Variants in BMPR2 observed in about 807,000 individuals in gnomAD.
BMPR2 encodes bone morphogenetic protein receptor type 2.
A neutral mutation model predicts 100.8 loss-of-function variants in BMPR2; 29 were observed. That is an observed-to-expected ratio of 0.29 (90% CI 0.21 to 0.39). The LOEUF is 0.39. Among genes scored for constraint, BMPR2 ranks in the 10% least tolerant of loss-of-function variants. The probability of loss-of-function intolerance (pLI) is 1.00; values close to 1 mark genes in which losing one functional copy is unlikely to be tolerated. For synonymous variants in BMPR2, 382 were observed against 442.3 expected (o/e 0.86, Z 1.71); for missense variants, 1,011 against 1,274.5 (o/e 0.79, Z 3.15).
intron 12 of BMPR2, among the ~76,000 whole-genome samples, chr2:202,557,101 C>CAGGTGGATCACCTG (rs1688589399): frequency 6.6e-6 from 1 of 151,202 alleles, no homozygotes; most frequent in African/African-American, 2.4e-5. Flanking sequence ...GAGGCCAGGG[C>CAGGTGGATCACCTG]AGGTGGATCA....
intron 1 of BMPR2, among the ~76,000 whole-genome samples, chr2:202,384,582 T>TCTTTCTTTTCTTTCTTTTCTTTCTTTC (rs1456422852): frequency 1.4e-5 from 2 of 148,016 alleles, no homozygotes; most frequent in East Asian, 3.9e-4. Context: ...TTCTTTCTTT[T>TCTTTCTTTTCTTTCTTTTCTTTCTTTC]CTTTCTTTTC....
rs1161944548 is a variant in BMPR2, at chr2:202,385,361, C to CTTT, written c.76+7831_76+7833dup. On this transcript the variant is annotated intron_variant, in intron 1 of 12. Transcript: ENST00000374580. ...TTTTCTTCTAATTAAAAAAAAGATG[C>CTTT]TTTTTTTTTTTTTTTTTTTTTTGAG... Among the ~76,000 whole-genome samples, 450 of 86,324 alleles carry CTTT rather than the reference C, an allele frequency of 5.2e-3. 3 individuals are homozygous for CTTT. The highest frequency in any genetic ancestry group is 9.3e-3 in the African/African-American group (190 of 20,484). The allele number at this position is 86,324 out of a possible 152,430, so 56.6% of individuals were successfully genotyped here.
intron 1 of BMPR2, among the ~76,000 whole-genome samples, chr2:202,415,478 A>AAAAT (rs1036605490): frequency 6.6e-6 from 1 of 152,320 alleles, no homozygotes; most frequent in South Asian, 2.1e-4. Context: ...TCTCAAAAGA[A>AAAAT]AAATAAATAA....
At chr2:202,419,586 A>G (rs1012232371) in intron 1 of BMPR2, among the ~76,000 whole-genome samples, 1 of 151,834 alleles carries the variant, frequency 6.6e-6, no homozygotes, top group African/African-American at 2.4e-5. Context: ...TGAACTCCTG[A>G]CCTTGTAATC....
rs1166530594 is a variant in BMPR2 at position 202,495,050 on chromosome 2, A to G, written c.419-18669A>G. ...GGGCTCCGACCTCACAACAGTGTCTAGGAGTGAATGTTTACAGCTCCTGAA... is the reference window on the plus strand; with the variant it reads ...GGGCTCCGACCTCACAACAGTGTCTGGGAGTGAATGTTTACAGCTCCTGAA... On this transcript the variant is annotated intron_variant, in intron 3 of 12. Coordinates refer to ENST00000374580, the MANE Select transcript of BMPR2 (RefSeq NM_001204.7). This position sits in a 1 kb window ranked among gnomAD's most constrained non-coding sequence, Gnocchi z 4.5. 2.6e-5 allele frequency among the ~76,000 whole-genome samples: 4 copies of G among 152,186 alleles called. No homozygotes were observed. Among genetic ancestry groups the G allele is most frequent in the Non-Finnish European group, 2.9e-5 (2 of 68,030 alleles).
In BMPR2 at chr2:202,532,791, TC is replaced by T; in HGVS notation, c.1276+60del. ...AAGTGAAGCAGTTATATCTTCTTTCTCTACCTATAGTACCTAACTCAACTTT... is the reference window on the plus strand; with the variant it reads ...AAGTGAAGCAGTTATATCTTCTTTCTTACCTATAGTACCTAACTCAACTTT... On this transcript the variant is annotated intron_variant, in intron 9 of 12. Transcript: ENST00000374580. This position sits in a 1 kb window ranked among gnomAD's most constrained non-coding sequence, Gnocchi z 4.1. 3.2e-6 allele frequency: 5 copies of T among 1,563,528 alleles called. No individual in the cohort carries two copies. Among genetic ancestry groups the T allele is most frequent in the Non-Finnish European group, 3.5e-6 (4 of 1,146,176 alleles).
chr2:202,509,101 T>C (rs1166648375), intron 3 of BMPR2, among the ~76,000 whole-genome samples: 1 of 152,184 alleles, frequency 6.6e-6, no homozygotes, highest in East Asian at 1.9e-4. Context: ...ATTTTAATAA[T>C]CTCTGTCCAA....
At position 202,556,265 on chromosome 2, in the gene BMPR2, A is replaced by C. The variant is rs764146277; in HGVS notation, c.2600A>C (p.His867Pro). 4 of 1,614,218 alleles carry C rather than the reference A, an allele frequency of 2.5e-6. No homozygotes were observed. The highest frequency in any genetic ancestry group is 3.4e-6 in the Non-Finnish European group (4 of 1,180,026). ...AATATTAATTCCAGTCCTGATGAGC[A>C]TGAGCCTTTACTGAGACGAGAGCAA... ...RLNINSSPDE[H>P]EPLLRREQQA... Residue 867 changes from histidine to proline, a missense_variant, in exon 12 of 13, where the codon CAT (histidine) becomes CCT (proline). Coordinates refer to ENST00000374580, the MANE Select transcript of BMPR2 (RefSeq NM_001204.7).
intron 3 of BMPR2, among the ~76,000 whole-genome samples, chr2:202,487,725 T>G (rs1450378556): frequency 6.6e-6 from 1 of 152,226 alleles, no homozygotes; most frequent in African/African-American, 2.4e-5. Context: ...AGCAAATTAT[T>G]AAAATGATTG....
intron 3 of BMPR2, among the ~76,000 whole-genome samples, chr2:202,499,955 A>G (rs1559056936): frequency 6.6e-6 from 1 of 152,206 alleles, no homozygotes; most frequent in African/African-American, 2.4e-5. Context: ...ACTTTAAAAA[A>G]GATTGTCCAA....
chr2:202,403,098 G>A (rs1473985237), intron 1 of BMPR2, among the ~76,000 whole-genome samples: 1 of 151,914 alleles, frequency 6.6e-6, no homozygotes, highest in Non-Finnish European at 1.5e-5. Context: ...AAAGTGCCGG[G>A]ATTACAGGCA....
At chr2:202,541,407 C>T (rs911542758) in intron 9 of BMPR2, among the ~76,000 whole-genome samples, 3 of 152,074 alleles carry the variant, frequency 2.0e-5, no homozygotes, top group Non-Finnish European at 4.4e-5. Flanking sequence ...CCATCCTGGG[C>T]AACAAAGTGA....
intron 3 of BMPR2, among the ~76,000 whole-genome samples, chr2:202,502,673 C>A (rs1457039781): frequency 6.6e-6 from 1 of 152,228 alleles, no homozygotes; most frequent in Non-Finnish European, 1.5e-5. Flanking sequence ...AGCAGTGACT[C>A]TCCAAAACCG....
At chr2:202,406,184 AAT>A (rs1238767165) in intron 1 of BMPR2, among the ~76,000 whole-genome samples, 9 of 152,238 alleles carry the variant, frequency 5.9e-5, no homozygotes, top group African/African-American at 1.9e-4. Context: ...GTGGTTGATT[AAT>A]ATAGGCAAGT....
chr2:202,465,024 T>C (rs763097991), intron 2 of BMPR2, 45 bp downstream of exon 2: 1 of 1,601,336 alleles, frequency 6.2e-7, no homozygotes, highest in East Asian at 2.2e-5. Context: ...TTTTATACAA[T>C]TGATATTTAT....
intron 1 of BMPR2, among the ~76,000 whole-genome samples, chr2:202,435,051 C>G (rs1691586353): frequency 6.9e-6 from 1 of 145,018 alleles, no homozygotes; most frequent in Admixed American, 6.9e-5. Flanking sequence ...CCCTTCTCTT[C>G]AAAAAAATTC....
At chr2:202,476,080 TAAAAAAAAAAA>T (rs56243938) in intron 3 of BMPR2, among the ~76,000 whole-genome samples, 14 of 95,408 alleles carry the variant, frequency 1.5e-4, no homozygotes, top group Non-Finnish European at 2.6e-4. Context: ...GTCTCAAGGT[TAAAAAAAAAAA>T]AAAAAAAAAA....
chr2:202,407,597 T>C (rs566720506), intron 1 of BMPR2, among the ~76,000 whole-genome samples: 14 of 151,266 alleles, frequency 9.3e-5, no homozygotes, highest in African/African-American at 2.9e-4. Context: ...TGAAACCCCG[T>C]CTCTACTAAA....
chr2:202,449,742 T>G (rs1691939606), intron 1 of BMPR2, among the ~76,000 whole-genome samples: 1 of 152,242 alleles, frequency 6.6e-6, no homozygotes, highest in Non-Finnish European at 1.5e-5. Flanking sequence ...GGTTTTCTCC[T>G]GACTTTGATT....
Sources: gnomAD v4.1 joint callset for allele counts (sites outside exome capture counted in the v4.1 genomes callset) on GRCh38, gnomAD v4.1.1 for gene constraint, Gnocchi (gnomAD v3.1) non-coding constraint, MANE v1.5 for transcripts, NCBI Gene and HGNC (gene_info 2026-07-23, HGNC 2026-07-21) for gene names.